IFRD2: variants seen among roughly 807,000 people sequenced by gnomAD.
IFRD2 encodes interferon related developmental regulator 2.
Under a neutral mutation model 49.2 loss-of-function variants are expected in IFRD2, and 35 were observed. That is an observed-to-expected ratio of 0.71 (90% CI 0.54 to 0.94). IFRD2 has a LOEUF of 0.94. Ranked by LOEUF, IFRD2 falls within the 40% of genes least tolerant of loss-of-function variation. The probability of loss-of-function intolerance (pLI) is 0.00; values close to 1 mark genes in which losing one functional copy is unlikely to be tolerated. For missense variants in IFRD2, 561 were observed against 591.6 expected, an observed-to-expected ratio of 0.95 and a Z score of 0.54; for synonymous variants, 275 against 239.7, an observed-to-expected ratio of 1.15 and a Z score of -1.36.
Position 50,290,228 on chromosome 3 carries a change from G to C in IFRD2, c.330C>G (p.Asp110Glu), listed in dbSNP as rs782816152. Residue 110 changes from aspartate (D) to glutamate (E), a missense_variant, in exon 4 of 12, where the codon GAC (aspartate) becomes GAG (glutamate). Transcript: ENST00000417626. Reference protein sequence around the residue: ...RLALASRLLPDFLLERRLTLA... With the variant: ...RLALASRLLPEFLLERRLTLA... ...GCGTGAGGCGGCGCTCCAGCAAGAA[G>C]TCGGGGAGTAGGCGGGACGCTAGGG... 3 of 1,613,636 alleles carry C rather than the reference G, an allele frequency of 1.9e-6. No individual in the cohort carries two copies. In the South Asian group the frequency reaches 3.3e-5, roughly 18 times the overall value.
At chr3:50,290,508 T>G in intron 2 of IFRD2, 36 bp from the exon 3 acceptor site, 1 of 1,599,660 alleles carries the variant, frequency 6.3e-7, no homozygotes, top group Non-Finnish European at 8.5e-7. Context: ...CTTCTTGTCC[T>G]CAGCCCATGG....
intron 1 of IFRD2, among the ~76,000 whole-genome samples, chr3:50,291,533 C>G (rs1337704089): frequency 2.6e-5 from 4 of 152,120 alleles, no homozygotes; most frequent in Non-Finnish European, 5.9e-5. Flanking sequence ...TTAGATGTCC[C>G]CCACCCAAAA....
chr3:50,289,025 G>C lies in IFRD2; in HGVS notation c.886-88C>G, dbSNP rs1005471533. ...CACTGCCCAAACCCCTCCTTTCACTGAGAGACCCTCTCTTCTCTGCCTGGC... is the reference window on the plus strand; with the variant it reads ...CACTGCCCAAACCCCTCCTTTCACTCAGAGACCCTCTCTTCTCTGCCTGGC... On this transcript the variant is annotated intron_variant, in intron 8 of 11. Coordinates refer to ENST00000417626, the MANE Select transcript of IFRD2 (RefSeq NM_006764.5). The C allele has an allele frequency of 5.3e-6, 8 of 1,519,562 alleles. No homozygotes were observed. In the Admixed American group the frequency reaches 1.6e-4, roughly 30 times the overall value. 94.1% of individuals were successfully genotyped at this position (1,519,562 alleles called of 1,614,324 possible).
At position 50,288,434 on chromosome 3, in the gene IFRD2, G is replaced by GCCTT; in HGVS notation, c.1219_1222dup (p.Ala408GlufsTer9). 1 of 1,613,620 alleles carries GCCTT rather than the reference G, an allele frequency of 6.2e-7. No individual in the cohort carries two copies. The highest frequency in any genetic ancestry group is 8.5e-7 in the Non-Finnish European group (1 of 1,179,724). On this transcript the variant is annotated frameshift_variant, in exon 11 of 12. Coordinates refer to ENST00000417626, the MANE Select transcript of IFRD2 (RefSeq NM_006764.5). LOFTEE classifies it high-confidence loss of function. Reference sequence around the variant, plus strand: ...CTTCTCAAAGCGTGGAACCTTGCAGGCCTTCAGGGCAGTGGCATCCAGCAA... The same window carrying GCCTT: ...CTTCTCAAAGCGTGGAACCTTGCAGGCCTTCCTTCAGGGCAGTGGCATCCAGCAA...
In IFRD2 at chr3:50,289,811, G is replaced by C. The variant is rs76166988; in HGVS notation, c.547-49C>G. On this transcript the variant is annotated intron_variant, in intron 5 of 11. Coordinates refer to ENST00000417626, the MANE Select transcript of IFRD2 (RefSeq NM_006764.5). ...TGCCACGGTCAGCGGGTGAACCTGG[G>C]TTCCCAGCCCTGGAGCTCACTCCCC... 5.3e-4 allele frequency: 836 copies of C among 1,587,152 alleles called. 2 individuals carry two copies. Among genetic ancestry groups the C allele is most frequent in the East Asian group, 1.9e-3 (81 of 43,396 alleles).
In IFRD2 at chr3:50,291,947, C is replaced by T. The variant is rs1701684287; in HGVS notation, c.58+270G>A. 8.3e-6 allele frequency: 4 copies of T among 483,774 alleles called. No individual in the cohort carries two copies. In the East Asian group the frequency reaches 1.4e-4, roughly 17 times the overall value. The allele number at this position is 483,774 out of a possible 1,614,324, so 30.0% of individuals were successfully genotyped here. ...TCCTGCCCTGTCCGGTGAGTTTGTCCACCCAGCAGGCAACTGAGGCCCGGA... is the reference window on the plus strand; with the variant it reads ...TCCTGCCCTGTCCGGTGAGTTTGTCTACCCAGCAGGCAACTGAGGCCCGGA... On this transcript the variant is annotated intron_variant, in intron 1 of 11. Transcript: ENST00000417626.
chr3:50,287,968 T>C lies in IFRD2; in HGVS notation c.*223A>G. 1.8e-6 allele frequency: 1 copy of C among 557,768 alleles called. No individual in the cohort carries two copies. The allele number at this position is 557,768 out of a possible 1,614,324, so 34.6% of individuals were successfully genotyped here. A position where few individuals can be genotyped will look rare whatever the true frequency, so the allele number is the denominator to read the frequency against. On this transcript the variant is annotated 3_prime_UTR_variant, in exon 12 of 12. Transcript: ENST00000417626. ...CCCTGAGGAAGGCACATATTTAGCC[T>C]GGCCTGAGACAGGACAGGAAGGGGC... is the stretch of plus-strand genomic sequence containing the variant.
rs1394710438 is a variant in IFRD2 at position 50,290,452 on chromosome 3, G to A, written c.199C>T (p.Gln67Ter). Residue 67 changes from glutamine (Q) to a stop codon, truncating the protein, a stop_gained, in exon 3 of 12, where the codon CAG becomes TAG. Coordinates refer to ENST00000417626, the MANE Select transcript of IFRD2 (RefSeq NM_006764.5). LOFTEE classifies it high-confidence loss of function. ...DSLGGDVVDEQGQQEDLEEKL... is the reference protein window; with the variant it reads ...DSLGGDVVDE ...TCCTCAAGGTCTTCCTGCTGGCCCTGCTCATCCACGACATCCCCCCCTGCA... is the reference window on the plus strand; with the variant it reads ...TCCTCAAGGTCTTCCTGCTGGCCCTACTCATCCACGACATCCCCCCCTGCA... 11 of 1,577,210 alleles carry A rather than the reference G, an allele frequency of 7.0e-6. No individual in the cohort carries two copies. The highest frequency in any genetic ancestry group is 5.5e-5 in the Admixed American group (3 of 54,302).
At chr3:50,289,136 TG>T in intron 8 of IFRD2, 118 bp downstream of exon 8, 2 of 1,160,926 alleles carry the variant, frequency 1.7e-6, no homozygotes, top group Non-Finnish European at 2.5e-6. Flanking sequence ...AAATCTGTTT[TG>T]GGGCCACCTC....
chr3:50,289,257 C>G lies in IFRD2; in HGVS notation c.883G>C (p.Glu295Gln). 6.4e-7 allele frequency: 1 copy of G among 1,570,672 alleles called. No homozygotes were observed. The highest frequency in any genetic ancestry group is 8.6e-7 in the Non-Finnish European group (1 of 1,158,048). Residue 295 changes from glutamate (E) to glutamine (Q), a missense_variant and splice_region_variant, in exon 8 of 12, where the codon GAG (glutamate) becomes CAG (glutamine). Physicochemically the swap from Glu to Gln is conservative, Grantham distance 29. Coordinates refer to ENST00000417626, the MANE Select transcript of IFRD2 (RefSeq NM_006764.5). Reference protein sequence around the residue: ...ALLFELARDLEEEFVYEDMEA... With the variant: ...ALLFELARDLQEEFVYEDMEA... ...CCCCCCATCCTTGTCCCTCGCACCT[C>G]AAGGTCCCGGGCAAGCTCAAAGAGC...
Position 50,287,992 on chromosome 3 carries a change from G to T in IFRD2, c.*199C>A. 1.7e-6 allele frequency: 1 copy of T among 589,796 alleles called. No homozygotes were observed. Among genetic ancestry groups the T allele is most frequent in the Non-Finnish European group, 3.1e-6 (1 of 327,172 alleles). The allele number at this position is 589,796 out of a possible 1,614,324, so 36.5% of individuals were successfully genotyped here. Reference sequence around the variant, plus strand: ...CTGGCCTGAGACAGGACAGGAAGGGGCCACAGGGCTGAGTGCAGGGACAAA... The same window carrying T: ...CTGGCCTGAGACAGGACAGGAAGGGTCCACAGGGCTGAGTGCAGGGACAAA... On this transcript the variant is annotated 3_prime_UTR_variant, in exon 12 of 12. Coordinates refer to ENST00000417626, the MANE Select transcript of IFRD2 (RefSeq NM_006764.5).
Position 50,289,055 on chromosome 3 carries a change from T to G in IFRD2, c.886-118A>C, listed in dbSNP as rs587675392. 19 of 1,415,018 alleles carry G rather than the reference T, an allele frequency of 1.3e-5. No individual in the cohort carries two copies. The Admixed American group carries it at 2.1e-4, about 15-fold the overall frequency. The allele number at this position is 1,415,018 out of a possible 1,614,324, so 87.7% of individuals were successfully genotyped here. ...ACCCTCTCTTCTCTGCCTGGCCCCT[T>G]TGACCCCTCCTTGGCCTCTGTCAGG... On this transcript the variant is annotated intron_variant, in intron 8 of 11. Coordinates refer to ENST00000417626, the MANE Select transcript of IFRD2 (RefSeq NM_006764.5).
At position 50,288,286 on chromosome 3, in the gene IFRD2, G is replaced by C; in HGVS notation, c.1249-15C>G. The C allele has an allele frequency of 6.2e-7, 1 of 1,613,168 alleles. No homozygotes were observed. The highest frequency in any genetic ancestry group is 1.1e-5 in the South Asian group (1 of 91,054). ...TTGTACAGGTGCTAGAGTGGGGACAGAGAGTGACACCCTGGGGAGCTGGGA... is the reference window on the plus strand; with the variant it reads ...TTGTACAGGTGCTAGAGTGGGGACACAGAGTGACACCCTGGGGAGCTGGGA... On this transcript the variant is annotated splice_polypyrimidine_tract_variant and intron_variant, in intron 11 of 11. Transcript: ENST00000417626.
At chr3:50,292,007 C>G (rs1701686040) in intron 1 of IFRD2, 2 of 567,542 alleles carry the variant, frequency 3.5e-6, no homozygotes, top group Non-Finnish European at 5.9e-6. Flanking sequence ...AGCGCGGACT[C>G]CCAACAGGCA....
chr3:50,292,385 G>A lies in IFRD2; in HGVS notation c.-111C>T, dbSNP rs782785567. 4.4e-6 allele frequency: 7 copies of A among 1,584,142 alleles called. No individual in the cohort carries two copies. The South Asian group carries it at 4.5e-5, about 10-fold the overall frequency. On this transcript the variant is annotated 5_prime_UTR_variant, in exon 1 of 12. Coordinates refer to ENST00000417626, the MANE Select transcript of IFRD2 (RefSeq NM_006764.5). ...GCTGAGACTTGGCCAGACGACGGGA[G>A]CCACACGCCACGCGCGCCACCATCT...
intron 6 of IFRD2, 38 bp from the exon 7 acceptor site, chr3:50,289,666 G>A (rs1553709397): frequency 6.3e-7 from 1 of 1,595,356 alleles, no homozygotes. Flanking sequence ...CAGAGGCAGA[G>A]TTACAGCCCT....
intron 11 of IFRD2, 65 bp from the exon 12 acceptor site, chr3:50,288,336 C>T: frequency 6.2e-7 from 1 of 1,603,750 alleles, no homozygotes. Flanking sequence ...GGGTCCTCTT[C>T]CGGCCTCTAC....
chr3:50,288,908 G>A lies in IFRD2; in HGVS notation c.915C>T (p.Ala305=), dbSNP rs368603677. 13 of 1,613,028 alleles carry A rather than the reference G, an allele frequency of 8.1e-6. No homozygotes were observed. The African/African-American group carries it at 1.1e-4, about 13-fold the overall frequency. ...EEEFVYEDME[A]LCSVLRTLAT... is the part of the protein sequence containing the mutation. The stretch of plus-strand genomic sequence containing the variant: ...CCAGAGTGCGCAGGACACTGCAGAG[G>A]GCCTCCATGTCCTCGTAAACAAACT... Residue 305 remains alanine, a synonymous_variant, in exon 9 of 12, where the codon GCC becomes GCT. Transcript: ENST00000417626.
rs200626633 is a variant in IFRD2 at position 50,290,450 on chromosome 3, C to G, written c.201G>C (p.Gln67His). ...TTTCCTCAAGGTCTTCCTGCTGGCC[C>G]TGCTCATCCACGACATCCCCCCCTG... ...DSLGGDVVDE[Q>H]GQQEDLEEKL... Residue 67 changes from glutamine to histidine, a missense_variant, in exon 3 of 12, where the codon CAG becomes CAC. Transcript: ENST00000417626. 6.3e-7 allele frequency: 1 copy of G among 1,578,126 alleles called. No individual in the cohort carries two copies. The highest frequency in any genetic ancestry group is 8.6e-7 in the Non-Finnish European group (1 of 1,160,860).
Sources: gnomAD v4.1 joint callset for allele counts (sites outside exome capture counted in the v4.1 genomes callset) on GRCh38, gnomAD v4.1.1 for gene constraint, MANE v1.5 for transcripts, NCBI Gene and HGNC (gene_info 2026-07-23, HGNC 2026-07-21) for gene names.